DOCK5: variants seen among roughly 807,000 people sequenced by gnomAD.
The protein encoded by DOCK5 is dedicator of cytokinesis 5, also known as dedicator of cytokinesis protein 5.
DOCK5 carries 142 observed loss-of-function variants against 251.8 expected under a neutral mutation model. That is an observed-to-expected ratio of 0.56 (90% CI 0.49 to 0.65). DOCK5 has a LOEUF of 0.65. Ranked by LOEUF, DOCK5 falls within the 30% of genes least tolerant of loss-of-function variation. The pLI is 0.00. For synonymous variants in DOCK5, 842 were observed against 835.5 expected (o/e 1.01, Z -0.13); for missense variants, 2,111 against 2,312.3 (o/e 0.91, Z 1.79).
intron 49 of DOCK5, among the ~76,000 whole-genome samples, 184 bp downstream of exon 49, chr8:25,408,338 G>A (rs377163385): frequency 3.3e-5 from 5 of 152,066 alleles, no homozygotes; most frequent in East Asian, 3.9e-4. Context: ...TGAGAAGTTC[G>A]AGTCTATAAA....
chr8:25,269,310 G>C (rs924376180), intron 3 of DOCK5, among the ~76,000 whole-genome samples: 2 of 152,098 alleles, frequency 1.3e-5, no homozygotes, highest in Non-Finnish European at 1.5e-5. Flanking sequence ...GGATAAACAA[G>C]AGTGGTTTTC....
chr8:25,281,630 C>T (rs1481083310), intron 5 of DOCK5, among the ~76,000 whole-genome samples: 1 of 151,444 alleles, frequency 6.6e-6, no homozygotes, highest in Non-Finnish European at 1.5e-5. Flanking sequence ...CCTGTAATCC[C>T]AGCACTTTGG....
At chr8:25,355,069 A>G (rs369912291) in intron 27 of DOCK5, among the ~76,000 whole-genome samples, 4 of 152,254 alleles carry the variant, frequency 2.6e-5, no homozygotes, top group African/African-American at 7.2e-5. Flanking sequence ...CCCTGTCTCT[A>G]CAAAAAAATT....
chr8:25,275,579 A>T, intron 4 of DOCK5, 138 bp downstream of exon 4: 1 of 818,574 alleles, frequency 1.2e-6, no homozygotes, highest in South Asian at 1.8e-5. Context: ...TCACGCCTGT[A>T]ATCCCAGCAC....
intron 2 of DOCK5, among the ~76,000 whole-genome samples, chr8:25,261,747 C>G (rs906997052): frequency 6.6e-6 from 1 of 152,134 alleles, no homozygotes. Context: ...GAAAATTCCG[C>G]GGTATCTTTA....
intron 18 of DOCK5, among the ~76,000 whole-genome samples, chr8:25,330,537 G>A (rs1805658698): frequency 6.6e-6 from 1 of 152,094 alleles, no homozygotes; most frequent in Admixed American, 6.6e-5. Context: ...GGATTTCTCT[G>A]ACTGCTAAAG....
chr8:25,251,694 A>C (rs546528408), intron 2 of DOCK5, among the ~76,000 whole-genome samples: 1 of 152,304 alleles, frequency 6.6e-6, no homozygotes, highest in South Asian at 2.1e-4. Context: ...GAGATATAAA[A>C]AAGAAGAGAG....
chr8:25,377,542 C>T (rs1183191942), intron 38 of DOCK5, 118 bp downstream of exon 38: 3 of 1,302,890 alleles, frequency 2.3e-6, no homozygotes, highest in Non-Finnish European at 1.0e-6. Flanking sequence ...AGGGCACTGT[C>T]TCCAACGAGA....
At chr8:25,237,777 C>G (rs1226905643) in intron 1 of DOCK5, among the ~76,000 whole-genome samples, 2 of 152,134 alleles carry the variant, frequency 1.3e-5, no homozygotes, top group African/African-American at 4.8e-5. Context: ...CCTGCCGGTT[C>G]AAAAATGGCA....
chr8:25,351,897 C>T (rs558044122), intron 27 of DOCK5, 71 bp downstream of exon 27: 23 of 1,271,932 alleles, frequency 1.8e-5, no homozygotes, highest in African/African-American at 1.5e-4. Context: ...GGGAGGCCTT[C>T]GGGGCCAGTG....
intron 5 of DOCK5, 91 bp from the exon 6 acceptor site, chr8:25,291,933 G>T: frequency 8.2e-7 from 1 of 1,224,056 alleles, no homozygotes; most frequent in Non-Finnish European, 1.1e-6. Flanking sequence ...TGACATTCCC[G>T]TTAAAAACAA....
At chr8:25,265,449 T>G (rs1803717163) in intron 2 of DOCK5, among the ~76,000 whole-genome samples, 1 of 151,960 alleles carries the variant, frequency 6.6e-6, no homozygotes, top group Non-Finnish European at 1.5e-5. Flanking sequence ...TGGAAGTTTC[T>G]TTGCCCAGAT....
In DOCK5 at chr8:25,324,086, C is replaced by T. The variant is rs1447186491; in HGVS notation, c.1719+135C>T. 6 of 1,008,056 alleles carry T rather than the reference C, an allele frequency of 6.0e-6. No individual in the cohort carries two copies. In the Admixed American group the frequency reaches 1.7e-4, roughly 29 times the overall value. The allele number at this position is 1,008,056 out of a possible 1,614,324, so 62.4% of individuals were successfully genotyped here. On this transcript the variant is annotated intron_variant, in intron 17 of 51. Transcript: ENST00000276440. ...TACTTGCCCATTAACATCTAGAAAC[C>T]CAGAGGGCTCTGGGCCCTCCAGCTT...
At chr8:25,294,792 G>A (rs1586302933) in intron 6 of DOCK5, among the ~76,000 whole-genome samples, 1 of 152,270 alleles carries the variant, frequency 6.6e-6, no homozygotes, top group South Asian at 2.1e-4. Context: ...CTCTGGGGAG[G>A]CCTCAGGAAA....
chr8:25,312,680 T>C (rs778950833), intron 13 of DOCK5, among the ~76,000 whole-genome samples: 4 of 150,846 alleles, frequency 2.7e-5, no homozygotes, highest in Non-Finnish European at 5.9e-5. Context: ...GGAGAATTGC[T>C]TGAACCCGGG....
intron 1 of DOCK5, among the ~76,000 whole-genome samples, chr8:25,216,043 A>T (rs889503313): frequency 6.6e-6 from 1 of 151,772 alleles, no homozygotes; most frequent in Non-Finnish European, 1.5e-5. Flanking sequence ...CGTGTATACA[A>T]TATGTATATA....
At chr8:25,252,406 T>G (rs1803295219) in intron 2 of DOCK5, among the ~76,000 whole-genome samples, 1 of 152,224 alleles carries the variant, frequency 6.6e-6, no homozygotes, top group Non-Finnish European at 1.5e-5. Context: ...TAATTGAAAG[T>G]TTATTGTAAT....
intron 48 of DOCK5, 69 bp downstream of exon 48, chr8:25,403,793 G>A (rs958221144): frequency 1.8e-5 from 28 of 1,523,218 alleles, no homozygotes; most frequent in Non-Finnish European, 2.3e-5. Flanking sequence ...CTTTAGCCAC[G>A]CATCACTCCT....
intron 13 of DOCK5, among the ~76,000 whole-genome samples, chr8:25,314,108 C>CTTTTTTTTTTTTTTTTTTTTTTTTTTTTT (rs71214561): frequency 8.7e-6 from 1 of 115,246 alleles, no homozygotes. Flanking sequence ...GGACTCCCCT[C>CTTTTTTTTTTTTTTTTTTTTTTTTTTTTT]TTTTTTTTTT....
Sources: allele counts gnomAD v4.1 joint callset (sites outside exome capture counted in the v4.1 genomes callset), GRCh38; gene constraint gnomAD v4.1.1; transcripts MANE v1.5; gene names NCBI Gene and HGNC (gene_info 2026-07-23, HGNC 2026-07-21).